The following HIBADH variants were observed in gnomAD, a reference collection of about 807,000 sequenced individuals.
HIBADH encodes 3-hydroxyisobutyrate dehydrogenase.
In HIBADH, 25 loss-of-function variants were observed where a neutral mutation model predicts 36.1. The observed-to-expected ratio is 0.69, with a 90% CI of 0.50 to 0.97. The LOEUF is 0.97. HIBADH is among the 50% of genes least tolerant of loss of function. The probability of loss-of-function intolerance (pLI) is 0.00; values close to 1 mark genes in which losing one functional copy is unlikely to be tolerated. For synonymous variants in HIBADH, 160 were observed against 149.5 expected (o/e 1.07, Z -0.51); for missense variants, 421 against 418.0 (o/e 1.01, Z -0.06).
At chr7:27,581,080 G>A (rs1784780194) in intron 4 of HIBADH, among the ~76,000 whole-genome samples, 2 of 152,162 alleles carry the variant, frequency 1.3e-5, no homozygotes, top group South Asian at 4.1e-4. Context: ...GAGAAGGTGT[G>A]AAATAATTGT....
chr7:27,530,950 A>ACG (rs990900974), intron 7 of HIBADH, among the ~76,000 whole-genome samples: 2 of 152,092 alleles, frequency 1.3e-5, no homozygotes, highest in African/African-American at 4.8e-5. Flanking sequence ...ACACACACGC[A>ACG]CACACATACA....
At position 27,649,559 on chromosome 7, in the gene HIBADH, T is replaced by C. The variant is rs1786140043; in HGVS notation, c.166A>G (p.Lys56Glu). The change falls in exon 2 of 8, where the codon AAA becomes GAA. Residue 56 changes from lysine (K) to glutamate (E), a missense_variant. Coordinates refer to ENST00000265395, the MANE Select transcript of HIBADH (RefSeq NM_152740.4). ...GLGNMGNPMAKNLMKHGYPLI... is the reference protein window; with the variant it reads ...GLGNMGNPMAENLMKHGYPLI... ...GGATAGCCATGTTTCATGAGATTTT[T>C]TGCCATTGGATTCCCCATGTTGCCC... 1 of 1,614,052 alleles carries C rather than the reference T, an allele frequency of 6.2e-7. No homozygotes were observed. Among genetic ancestry groups the C allele is most frequent in the Non-Finnish European group, 8.5e-7 (1 of 1,179,954 alleles).
chr7:27,661,687 G>A lies in HIBADH; in HGVS notation c.91+1011C>T, dbSNP rs1213456797. On this transcript the variant is annotated intron_variant, in intron 1 of 7. Transcript: ENST00000265395. ...AAGATTAGAAAAAATTAATGCCAAGGTTTTTTTTGTTATTAATCCTCAGTA... is the reference window on the plus strand; with the variant it reads ...AAGATTAGAAAAAATTAATGCCAAGATTTTTTTTGTTATTAATCCTCAGTA... 2.0e-5 allele frequency among the ~76,000 whole-genome samples: 3 copies of A among 150,974 alleles called. No individual in the cohort carries two copies. The East Asian group carries it at 5.8e-4, about 29-fold the overall frequency.
chr7:27,527,141 C>G (rs1783914939), intron 7 of HIBADH, among the ~76,000 whole-genome samples: 1 of 151,790 alleles, frequency 6.6e-6, no homozygotes, highest in Admixed American at 6.6e-5. Flanking sequence ...ACGATGAAAG[C>G]AAGGAGAGGG....
At position 27,616,486 on chromosome 7, in the gene HIBADH, T is replaced by C. The variant is rs143440516; in HGVS notation, c.484+12885A>G. Among the ~76,000 whole-genome samples, 500 of 152,220 alleles carry C rather than the reference T, an allele frequency of 3.3e-3. 3 individuals carry two copies. Among genetic ancestry groups the C allele is most frequent in the African/African-American group, 0.012 (478 of 41,538 alleles). On this transcript the variant is annotated intron_variant, in intron 4 of 7. Transcript: ENST00000265395. ...TTTTTTGTTTGTTTGTTTTTTAATA[T>C]AGGGTTTTTCTGTCGCCTAGGCTGT...
intron 1 of HIBADH, among the ~76,000 whole-genome samples, chr7:27,661,855 A>G (rs1027041885): frequency 2.6e-5 from 4 of 152,158 alleles, no homozygotes; most frequent in Non-Finnish European, 4.4e-5. Flanking sequence ...GGAACAACTG[A>G]TAACAACTTT....
At position 27,526,174 on chromosome 7, in the gene HIBADH, G is replaced by C. The variant is rs1213318569; in HGVS notation, c.*40C>G. ...TGAGCTAAAAGGAGGCTCCAAGACAGAGTTTGGTTCCCAACAGTGTCCGTG... is the reference window on the plus strand; with the variant it reads ...TGAGCTAAAAGGAGGCTCCAAGACACAGTTTGGTTCCCAACAGTGTCCGTG... On this transcript the variant is annotated 3_prime_UTR_variant, in exon 8 of 8. Coordinates refer to ENST00000265395, the MANE Select transcript of HIBADH (RefSeq NM_152740.4). 6.5e-7 allele frequency: 1 copy of C among 1,536,562 alleles called. No homozygotes were observed. Among genetic ancestry groups the C allele is most frequent in the East Asian group, 2.4e-5 (1 of 41,976 alleles).
At chr7:27,545,389 G>C (rs1237940793) in intron 4 of HIBADH, among the ~76,000 whole-genome samples, 1 of 152,178 alleles carries the variant, frequency 6.6e-6, no homozygotes, top group African/African-American at 2.4e-5. Flanking sequence ...AGTGAGCTGA[G>C]ATCGCACCAC....
At chr7:27,528,154 CAT>C (rs961708812) in intron 7 of HIBADH, among the ~76,000 whole-genome samples, 1 of 151,940 alleles carries the variant, frequency 6.6e-6, no homozygotes, top group African/African-American at 2.4e-5. Context: ...ATGTGGTACA[CAT>C]GTGTTCTGAC....
intron 1 of HIBADH, among the ~76,000 whole-genome samples, chr7:27,654,606 T>A (rs140979299): frequency 6.6e-6 from 1 of 151,950 alleles, no homozygotes; most frequent in Non-Finnish European, 1.5e-5. Flanking sequence ...TAGAAATCTA[T>A]AACCAAGAAA....
Position 27,599,294 on chromosome 7 carries a change from C to A in HIBADH, c.484+30077G>T, listed in dbSNP as rs1184199663. On this transcript the variant is annotated intron_variant, in intron 4 of 7. Transcript: ENST00000265395. The stretch of plus-strand genomic sequence containing the variant: ...GAAAGAACATTTTTTAAAGGAATTT[C>A]TATAGAAAATGCAGAAAAATAGCAG... 2.6e-5 allele frequency among the ~76,000 whole-genome samples: 4 copies of A among 152,132 alleles called. No individual in the cohort carries two copies. The East Asian group carries it at 5.8e-4, about 22-fold the overall frequency.
At chr7:27,527,886 G>A (rs1344843154) in intron 7 of HIBADH, among the ~76,000 whole-genome samples, 1 of 139,230 alleles carries the variant, frequency 7.2e-6, no homozygotes, top group Non-Finnish European at 1.5e-5. Flanking sequence ...GAGCAGCTGG[G>A]ATTACAGGCA....
chr7:27,541,289 A>AT (rs1165691772), intron 5 of HIBADH, among the ~76,000 whole-genome samples: 1 of 152,006 alleles, frequency 6.6e-6, no homozygotes, highest in East Asian at 1.9e-4. Flanking sequence ...ATTTCTTGAC[A>AT]TTTTTTAAGC....
chr7:27,624,564 T>C (rs1459093736), intron 4 of HIBADH, among the ~76,000 whole-genome samples: 1 of 152,238 alleles, frequency 6.6e-6, no homozygotes, highest in African/African-American at 2.4e-5. Context: ...GTAAGCACTT[T>C]AGATTGGGTC....
chr7:27,662,131 G>T (rs563990675), intron 1 of HIBADH, among the ~76,000 whole-genome samples: 26 of 152,256 alleles, frequency 1.7e-4, no homozygotes, highest in African/African-American at 5.8e-4. Context: ...TACAGTAGAG[G>T]GGGGAAGCCC....
intron 4 of HIBADH, among the ~76,000 whole-genome samples, chr7:27,548,950 G>T (rs1303919948): frequency 6.6e-6 from 1 of 152,108 alleles, no homozygotes; most frequent in African/African-American, 2.4e-5. Context: ...TCAACTGTAG[G>T]TAGGCATATA....
At chr7:27,527,917 C>CCTTTTTTTTT (rs1562609863) in intron 7 of HIBADH, among the ~76,000 whole-genome samples, 1 of 77,026 alleles carries the variant, frequency 1.3e-5, no homozygotes, top group Non-Finnish European at 2.4e-5. Context: ...CCACACCCAG[C>CCTTTTTTTTT]GTTTTTTTTT....
chr7:27,565,197 A>G (rs1377660389), intron 4 of HIBADH, among the ~76,000 whole-genome samples: 1 of 152,120 alleles, frequency 6.6e-6, no homozygotes, highest in East Asian at 1.9e-4. Context: ...AACTGCTGAA[A>G]TTATTCAAAC....
chr7:27,654,989 A>T (rs1786271288), intron 1 of HIBADH, among the ~76,000 whole-genome samples: 1 of 152,002 alleles, frequency 6.6e-6, no homozygotes, highest in South Asian at 2.1e-4. Context: ...ACCCAGCCAC[A>T]CTCTCTTGAC....
Sources: allele counts gnomAD v4.1 joint callset (sites outside exome capture counted in the v4.1 genomes callset), GRCh38; gene constraint gnomAD v4.1.1; transcripts MANE v1.5; gene names NCBI Gene and HGNC (gene_info 2026-07-23, HGNC 2026-07-21).